The following BTBD7 variants were observed in gnomAD, a reference collection of about 807,000 sequenced individuals.
BTBD7 encodes the protein BTB/POZ domain-containing protein 7.
A neutral mutation model predicts 99.9 loss-of-function variants in BTBD7; 38 were observed. That is an observed-to-expected ratio of 0.38 (90% CI 0.29 to 0.50). BTBD7 has a LOEUF of 0.50. Among genes scored for constraint, BTBD7 ranks in the 20% least tolerant of loss-of-function variants. The pLI is 0.93. For missense variants in BTBD7, 1,170 were observed against 1,394.6 expected (o/e 0.84, Z 2.57); for synonymous variants, 520 against 511.4 (o/e 1.02, Z -0.23).
At chr14:93,332,683 C>T (rs909397415) in intron 1 of BTBD7, 137 bp downstream of exon 1, 10 of 1,268,096 alleles carry the variant, frequency 7.9e-6, no homozygotes, top group Middle Eastern at 2.4e-4. Context: ...CCCGGCGCCC[C>T]AGCGCCTCCC....
intron 1 of BTBD7, among the ~76,000 whole-genome samples, chr14:93,327,053 C>T (rs961832672): frequency 1.2e-4 from 18 of 150,848 alleles, no homozygotes; most frequent in African/African-American, 4.4e-4. Flanking sequence ...CCCAGCTACT[C>T]GGGAGGCTGA....
chr14:93,288,633 A>T, intron 3 of BTBD7: 1 of 1,221,162 alleles, frequency 8.2e-7, no homozygotes, highest in Non-Finnish European at 1.2e-6. Context: ...ATGGGTTTTC[A>T]TATTTAAGAT....
At chr14:93,319,189 G>A (rs967140164) in intron 1 of BTBD7, among the ~76,000 whole-genome samples, 10 of 152,190 alleles carry the variant, frequency 6.6e-5, no homozygotes, top group African/African-American at 2.2e-4. Context: ...CTACAGCCTG[G>A]ACAACAGAAT....
intron 1 of BTBD7, among the ~76,000 whole-genome samples, chr14:93,314,319 T>C (rs1433494739): frequency 2.0e-5 from 3 of 152,178 alleles, no homozygotes; most frequent in African/African-American, 7.2e-5. Flanking sequence ...AAATATTAAA[T>C]GTGGATATGA....
In BTBD7 at chr14:93,270,256, C is replaced by T. The variant is rs549414900; in HGVS notation, c.1163-6263G>A. On this transcript the variant is annotated intron_variant, in intron 3 of 10. Transcript: ENST00000334746. ...GATTACAGGCGCCTGCCACAACACCCGGCTAACTTTTCTATTTTTAGTAGA... is the reference window on the plus strand; with the variant it reads ...GATTACAGGCGCCTGCCACAACACCTGGCTAACTTTTCTATTTTTAGTAGA... Among the ~76,000 whole-genome samples, 356 of 152,074 alleles carry T rather than the reference C, an allele frequency of 2.3e-3. 1 individual carries two copies. Among genetic ancestry groups the T allele is most frequent in the African/African-American group, 8.2e-3 (341 of 41,512 alleles).
In BTBD7 at chr14:93,253,758, T is replaced by G. The variant is rs754070148; in HGVS notation, c.1641A>C (p.Ser547=). The change falls in exon 7 of 11, where the codon TCA becomes TCC. Residue 547 remains serine, a synonymous_variant. Coordinates refer to ENST00000334746, the MANE Select transcript of BTBD7 (RefSeq NM_001002860.4). ...CACCTTCTGTTGTAGGAAGCATATCTGATGGAGGAGTACTAATCAAGCCTC... is the reference window on the plus strand; with the variant it reads ...CACCTTCTGTTGTAGGAAGCATATCGGATGGAGGAGTACTAATCAAGCCTC... ...MKRGLISTPP[S]DMLPTTEGGK... is the part of the protein sequence containing the mutation. The G allele has an allele frequency of 1.9e-6, 3 of 1,611,170 alleles. No homozygotes were observed. The highest frequency in any genetic ancestry group is 1.7e-6 in the Non-Finnish European group (2 of 1,177,984).
intron 10 of BTBD7, chr14:93,244,009 CA>C (rs2052270435): frequency 7.5e-6 from 2 of 267,562 alleles, no homozygotes; most frequent in Non-Finnish European, 1.5e-5. Flanking sequence ...CCCCTGCAAA[CA>C]TGGTGAACCT....
intron 8 of BTBD7, 132 bp from the exon 9 acceptor site, chr14:93,248,786 TG>T (rs1237650482): frequency 1.2e-6 from 1 of 814,006 alleles, no homozygotes; most frequent in Non-Finnish European, 1.8e-6. Context: ...CTTAATTTCC[TG>T]GGAACACATT....
rs115589218 is a variant in BTBD7 at position 93,303,323 on chromosome 14, G to A, written c.-106-7166C>T. Among the ~76,000 whole-genome samples, 785 of 152,226 alleles carry A rather than the reference G, an allele frequency of 5.2e-3. 9 individuals are homozygous for A. Among genetic ancestry groups the A allele is most frequent in the African/African-American group, 0.018 (768 of 41,544 alleles). The stretch of plus-strand genomic sequence containing the variant: ...AGAGTTAAAATAATATGGACTGCTG[G>A]TCAGGCATGGTGACACATGCCTGTA... On this transcript the variant is annotated intron_variant, in intron 1 of 10. Coordinates refer to ENST00000334746, the MANE Select transcript of BTBD7 (RefSeq NM_001002860.4).
chr14:93,264,017 T>C (rs753404751), intron 3 of BTBD7, 24 bp from the exon 4 acceptor site: 2 of 1,585,774 alleles, frequency 1.3e-6, no homozygotes, highest in South Asian at 2.2e-5. Flanking sequence ...CAAATACTTC[T>C]TGAGATTAAT....
intron 1 of BTBD7, 75 bp from the exon 2 acceptor site, chr14:93,296,232 C>T (rs2052925322): frequency 2.8e-6 from 3 of 1,076,724 alleles, no homozygotes; most frequent in Admixed American, 3.8e-5. Context: ...TAAAAAGCTA[C>T]TGAAAACTGC....
At chr14:93,304,450 C>T (rs991940884) in intron 1 of BTBD7, among the ~76,000 whole-genome samples, 2 of 152,200 alleles carry the variant, frequency 1.3e-5, no homozygotes, top group South Asian at 4.1e-4. Context: ...CATCCAGGTT[C>T]GAGCGATTCT....
intron 8 of BTBD7, among the ~76,000 whole-genome samples, chr14:93,249,798 A>G (rs919084340): frequency 5.9e-5 from 9 of 152,068 alleles, no homozygotes; most frequent in Admixed American, 5.2e-4. Flanking sequence ...GTAAGATGAG[A>G]GGCGGGAACA....
At chr14:93,325,226 G>A (rs1048309950) in intron 1 of BTBD7, among the ~76,000 whole-genome samples, 4 of 145,488 alleles carry the variant, frequency 2.7e-5, no homozygotes, top group African/African-American at 7.7e-5. Context: ...CGATTCTCCC[G>A]CCTCAGCCTC....
At chr14:93,324,431 A>ATAAAAAAAAAAAT (rs1566867175) in intron 1 of BTBD7, among the ~76,000 whole-genome samples, 1 of 151,384 alleles carries the variant, frequency 6.6e-6, no homozygotes, top group African/African-American at 2.4e-5. Flanking sequence ...CAAAAAAAAA[A>ATAAAAAAAAAAAT]AAAAGAGATT....
intron 9 of BTBD7, among the ~76,000 whole-genome samples, chr14:93,247,910 C>A (rs2052330582): frequency 2.0e-5 from 3 of 152,108 alleles, no homozygotes; most frequent in South Asian, 2.1e-4. Flanking sequence ...TGGGTTTGAA[C>A]CCTCATGAAA....
At chr14:93,269,580 G>A (rs768148640) in intron 3 of BTBD7, among the ~76,000 whole-genome samples, 6 of 152,088 alleles carry the variant, frequency 3.9e-5, no homozygotes, top group Non-Finnish European at 7.4e-5. Flanking sequence ...GTTCTCTCTC[G>A]GCACTTTGCA....
rs1192381902 is a variant in BTBD7, at chr14:93,294,906, A to C, written c.114T>G (p.Gly38=). The C allele has an allele frequency of 6.3e-7, 1 of 1,598,952 alleles. No individual in the cohort carries two copies. The highest frequency in any genetic ancestry group is 8.5e-7 in the Non-Finnish European group (1 of 1,176,200). The change falls in exon 3 of 11, where the codon GGT becomes GGG. Residue 38 remains glycine, a synonymous_variant. Transcript: ENST00000334746. ...CAAGGCTATACAACTTTGATTCGCA[A>C]CCATAGCCTTGCTGAGAATAGGATG... ...GTSSYSQQGY[G]CESKLYSLDH...
At chr14:93,315,014 T>C (rs995934894) in intron 1 of BTBD7, among the ~76,000 whole-genome samples, 2 of 152,168 alleles carry the variant, frequency 1.3e-5, no homozygotes, top group African/African-American at 4.8e-5. Flanking sequence ...CTATGATAGC[T>C]TTTGTCACAA....
Sources: allele counts gnomAD v4.1 joint callset (sites outside exome capture counted in the v4.1 genomes callset), GRCh38; gene constraint gnomAD v4.1.1; transcripts MANE v1.5; gene names NCBI Gene and HGNC (gene_info 2026-07-23, HGNC 2026-07-21).